The following WIZ variants were observed in gnomAD, a reference collection of about 807,000 sequenced individuals.
WIZ encodes protein Wiz.
Under a neutral mutation model 140.2 loss-of-function variants are expected in WIZ, and 25 were observed. That is an observed-to-expected ratio of 0.18 (90% confidence interval 0.13 to 0.25). The LOEUF is 0.25. WIZ is among the 10% of genes least tolerant of loss of function. WIZ has a pLI of 1.00. For missense variants in WIZ, 2,231 were observed against 2,632.6 expected, an observed-to-expected ratio of 0.85 and a Z score of 3.34; for synonymous variants, 1,125 against 1,154.3, an observed-to-expected ratio of 0.97 and a Z score of 0.51.
chr19:15,445,683 A>G (rs1969893768), intron 2 of WIZ, among the ~76,000 whole-genome samples: 1 of 152,136 alleles, frequency 6.6e-6, no homozygotes, highest in South Asian at 2.1e-4. Flanking sequence ...ATCGATCCAT[A>G]CAGACCACCT....
At position 15,439,578 on chromosome 19, in the gene WIZ, G is replaced by A. The variant is rs574053814; in HGVS notation, c.1416C>T (p.Pro472=). 45 of 1,490,192 alleles carry A rather than the reference G, an allele frequency of 3.0e-5. No individual in the cohort carries two copies. The highest frequency in any genetic ancestry group is 1.2e-4 in the East Asian group (5 of 40,416). The allele number at this position is 1,490,192 out of a possible 1,614,324, so 92.3% of individuals were successfully genotyped here. A position where few individuals can be genotyped will look rare whatever the true frequency, so the allele number is the denominator to read the frequency against. Reference sequence around the variant, plus strand: ...CCCTGAGCAGGCTCTCGCTGGGCGCGGGGAAACCACAGAAGACACAGGCGC... The same window carrying A: ...CCCTGAGCAGGCTCTCGCTGGGCGCAGGGAAACCACAGAAGACACAGGCGC... The part of the protein sequence containing the change: ...GLSACVFCGF[P]APSESLLREH... Residue 472 remains proline, a synonymous_variant, in exon 4 of 13, where the codon CCC becomes CCT. Coordinates refer to ENST00000673675, the MANE Select transcript of WIZ (RefSeq NM_001371589.1). This position sits in a 1 kb window ranked among gnomAD's most constrained non-coding sequence, Gnocchi z 7.0.
intron 2 of WIZ, among the ~76,000 whole-genome samples, chr19:15,444,392 G>A (rs990351122): frequency 2.5e-4 from 38 of 152,134 alleles, no homozygotes; most frequent in African/African-American, 7.5e-4. Context: ...CATCTACAGC[G>A]CAAGGTGTCT....
chr19:15,430,009 G>A lies in WIZ; in HGVS notation c.2992C>T (p.Leu998=). ...GACTCTGCCACTCCCAGCTGCCGCA[G>A]GTGGGAGCGCGCGTGGCTGGACAGG... ...KGLSSHARSH[L]RQLGVAESES... Residue 998 remains leucine (L), a synonymous_variant, in exon 7 of 13, where the codon CTG becomes TTG. Coordinates refer to ENST00000673675, the MANE Select transcript of WIZ (RefSeq NM_001371589.1). 1 of 1,536,020 alleles carries A rather than the reference G, an allele frequency of 6.5e-7. No individual in the cohort carries two copies.
intron 1 of WIZ, 128 bp from the exon 2 acceptor site, chr19:15,448,495 A>G: frequency 1.4e-6 from 1 of 705,524 alleles, no homozygotes; most frequent in Admixed American, 2.9e-5. Context: ...AGCCCAGGGG[A>G]GCTAATGGTG....
At chr19:15,433,987 G>T (rs965409802) in intron 5 of WIZ, among the ~76,000 whole-genome samples, 1 of 152,218 alleles carries the variant, frequency 6.6e-6, no homozygotes, top group Admixed American at 6.5e-5. Flanking sequence ...GGGTGCGGTG[G>T]CTAACGCCTG....
At position 15,423,170 on chromosome 19, in the gene WIZ, C is replaced by T. The variant is rs766225979; in HGVS notation, c.5576G>A (p.Arg1859Gln). ...GGAGAAGTTCATCTCCAGGATGTGC[C>T]GCTGTAAGTGCCGCACCCACTCTTC... ...IQEEWVRHLQ[R>Q]HILEMNFSKA... Residue 1859 changes from arginine to glutamine, a missense_variant, in exon 13 of 13, where the codon CGG becomes CAG. Coordinates refer to ENST00000673675, the MANE Select transcript of WIZ (RefSeq NM_001371589.1). The T allele has an allele frequency of 2.9e-5, 46 of 1,613,534 alleles. No homozygotes were observed. Among genetic ancestry groups the T allele is most frequent in the African/African-American group, 4.0e-5 (3 of 74,890 alleles).
rs1282837255 is a variant in WIZ, at chr19:15,422,233, C to T, written c.*843G>A. ...CAGGATTGCAAAATAAAAAGATCCA[C>T]GTTCCTTATTCTCTACACAAAACGC... On this transcript the variant is annotated 3_prime_UTR_variant, in exon 13 of 13. Coordinates refer to ENST00000673675, the MANE Select transcript of WIZ (RefSeq NM_001371589.1). The T allele has an allele frequency of 2.6e-5, 4 of 152,234 alleles. No individual in the cohort carries two copies. The highest frequency in any genetic ancestry group is 2.1e-4 in the South Asian group (1 of 4,832). The allele number at this position is 152,234 out of a possible 1,614,324, so 9.4% of individuals were successfully genotyped here.
rs1435448036 is a variant in WIZ at position 15,428,321 on chromosome 19, G to A, written c.3603C>T (p.Arg1201=). 5 of 1,533,992 alleles carry A rather than the reference G, an allele frequency of 3.3e-6. No homozygotes were observed. Among genetic ancestry groups the A allele is most frequent in the Non-Finnish European group, 4.4e-6 (5 of 1,146,160 alleles). The change falls in exon 8 of 13, where the codon CGC becomes CGT. Residue 1201 remains arginine (R), a synonymous_variant. Coordinates refer to ENST00000673675, the MANE Select transcript of WIZ (RefSeq NM_001371589.1). This position sits in a 1 kb window ranked among gnomAD's most constrained non-coding sequence, Gnocchi z 6.4. The stretch of plus-strand genomic sequence containing the variant: ...CCAGGGCGCCGCGCCTGGGTGGGAG[G>A]CGGATCTGGACGCCGTCCCTCCTGA... The part of the protein sequence containing the change: ...GLIRRDGVQI[R]LPPRRGALAH...
Position 15,421,254 on chromosome 19 carries a change from G to C in WIZ, c.*1822C>G, listed in dbSNP as rs942604385. The C allele has an allele frequency of 5.3e-5, 8 of 152,336 alleles. No individual in the cohort carries two copies. Among genetic ancestry groups the C allele is most frequent in the African/African-American group, 1.9e-4 (8 of 41,478 alleles). 9.4% of individuals were successfully genotyped at this position (152,336 alleles called of 1,614,324 possible). A position where few individuals can be genotyped will look rare whatever the true frequency, so the allele number is the denominator to read the frequency against. On this transcript the variant is annotated 3_prime_UTR_variant, in exon 13 of 13. Transcript: ENST00000673675. ...ACCCACCCACAGCACAGGATGGAGA[G>C]AAGTGGTTGCGGCCTTCTGCCACCA...
At position 15,428,252 on chromosome 19, in the gene WIZ, C is replaced by A. The variant is rs1968984138; in HGVS notation, c.3672G>T (p.Leu1224Phe). 6.5e-7 allele frequency: 1 copy of A among 1,529,418 alleles called. No homozygotes were observed. Among genetic ancestry groups the A allele is most frequent in the South Asian group, 1.2e-5 (1 of 83,446 alleles). The allele number at this position is 1,529,418 out of a possible 1,614,324, so 94.7% of individuals were successfully genotyped here. ...TCTTGGCCGGCGGTGGGGGGGGAAG[C>A]AAGGAGAGGGCCGCGGAGGTGGGAG... Reference protein sequence around the residue: ...RPPPTSAALSLLPPPPPAKKA... With the variant: ...RPPPTSAALSFLPPPPPAKKA... Residue 1224 changes from leucine (L) to phenylalanine (F), a missense_variant, in exon 8 of 13, where the codon TTG (leucine) becomes TTT (phenylalanine). Leu to Phe is a conservative substitution (Grantham distance 22). This residue lies in a region of WIZ where 141 missense variants were observed against 161.2 expected (regional missense o/e 0.87). Coordinates refer to ENST00000673675, the MANE Select transcript of WIZ (RefSeq NM_001371589.1). The surrounding 1 kb of genome is among the most constrained non-coding windows in gnomAD (Gnocchi z 6.4).
In WIZ at chr19:15,429,958, G is replaced by A; in HGVS notation, c.3043C>T (p.Leu1015Phe). 6.5e-7 allele frequency: 1 copy of A among 1,536,028 alleles called. No homozygotes were observed. ...TTCTGCTTCACAAGCTCGTAGAGGA[G>A]GTCGATGGGTGCGCCGCTGCTTTCC... Reference protein sequence around the residue: ...ESESSGAPIDLLYELVKQKGL... With the variant: ...ESESSGAPIDFLYELVKQKGL... The change falls in exon 7 of 13, where the codon CTC becomes TTC. Residue 1015 changes from leucine (L) to phenylalanine (F), a missense_variant. Coordinates refer to ENST00000673675, the MANE Select transcript of WIZ (RefSeq NM_001371589.1).
intron 2 of WIZ, among the ~76,000 whole-genome samples, chr19:15,444,089 C>G (rs1055082507): frequency 2.0e-5 from 3 of 152,172 alleles, no homozygotes; most frequent in Non-Finnish European, 4.4e-5. Flanking sequence ...AACTTGTGCC[C>G]CGTCCAGAGC....
rs148230721 is a variant in WIZ, at chr19:15,429,550, C to T, written c.3415+36G>A. The T allele has an allele frequency of 3.4e-4, 451 of 1,336,192 alleles. 2 individuals are homozygous for T. The East Asian group carries it at 8.4e-3, about 25-fold the overall frequency. The allele number at this position is 1,336,192 out of a possible 1,614,324, so 82.8% of individuals were successfully genotyped here. A position where few individuals can be genotyped will look rare whatever the true frequency, so the allele number is the denominator to read the frequency against. ...ACCTGAGGTCCCGACCCTCCCAGCG[C>T]CAGAACCTCCCTCGGCTCTTGGGAC... On this transcript the variant is annotated intron_variant, in intron 7 of 12. Coordinates refer to ENST00000673675, the MANE Select transcript of WIZ (RefSeq NM_001371589.1).
At position 15,439,837 on chromosome 19, in the gene WIZ, T is replaced by G. The variant is rs1218751702; in HGVS notation, c.1157A>C (p.Gln386Pro). 1 of 1,530,076 alleles carries G rather than the reference T, an allele frequency of 6.5e-7. No individual in the cohort carries two copies. The highest frequency in any genetic ancestry group is 2.4e-5 in the East Asian group (1 of 40,830). 94.8% of individuals were successfully genotyped at this position (1,530,076 alleles called of 1,614,324 possible). ...ASREKIIEEI[Q>P]KLKQVPGDEG... ...GTCTCCTGGAACTTGCTTCAGCTTT[T>G]GGATCTCCTCAATGATCTTCTCCCG... Residue 386 changes from glutamine to proline, a missense_variant, in exon 4 of 13, where the codon CAA becomes CCA. This residue lies in a region of WIZ where 475 missense variants were observed against 520.2 expected (regional missense o/e 0.91). Transcript: ENST00000673675. The surrounding 1 kb of genome is among the most constrained non-coding windows in gnomAD (Gnocchi z 7.0).
Position 15,427,159 on chromosome 19 carries a change from T to TAGG in WIZ, c.4186_4188dup (p.Pro1396dup). 1 of 1,613,994 alleles carries TAGG rather than the reference T, an allele frequency of 6.2e-7. No homozygotes were observed. Among genetic ancestry groups the TAGG allele is most frequent in the Non-Finnish European group, 8.5e-7 (1 of 1,179,984 alleles). On this transcript the variant is annotated inframe_insertion, in exon 9 of 13. Transcript: ENST00000673675. This position sits in a 1 kb window ranked among gnomAD's most constrained non-coding sequence, Gnocchi z 6.4. ...AGGCCTGGGAACATCTTTCGGGCCG[T>TAGG]AGGAGGAGGAGAGGCAGTTGGTGAG...
chr19:15,431,056 G>A lies in WIZ; in HGVS notation c.2867C>T (p.Ala956Val). ...VASRLSSKVA[A>V]EVPHGSKQEL... ...CTGTTTGCTGCCATGAGGAACCTCT[G>A]CAGCCACTTTGCTGCTCAGCCGACT... The change falls in exon 6 of 13, where the codon GCA becomes GTA. Residue 956 changes from alanine (A) to valine (V), a missense_variant. Ala to Val is a moderately conservative substitution (Grantham distance 64). Coordinates refer to ENST00000673675, the MANE Select transcript of WIZ (RefSeq NM_001371589.1). 1.3e-6 allele frequency: 2 copies of A among 1,535,896 alleles called. No individual in the cohort carries two copies. Among genetic ancestry groups the A allele is most frequent in the Non-Finnish European group, 1.7e-6 (2 of 1,146,788 alleles).
At chr19:15,432,335 G>T (rs1047791160) in intron 5 of WIZ, 12 of 645,926 alleles carry the variant, frequency 1.9e-5, no homozygotes, top group Non-Finnish European at 2.1e-5. Context: ...GGGGAGGGGG[G>T]GGTCCCGCAG....
chr19:15,439,108 G>T lies in WIZ; in HGVS notation c.1886C>A (p.Thr629Asn). The change falls in exon 4 of 13, where the codon ACC (threonine) becomes AAC (asparagine). Residue 629 changes from threonine (T) to asparagine (N), a missense_variant. Coordinates refer to ENST00000673675, the MANE Select transcript of WIZ (RefSeq NM_001371589.1). This position sits in a 1 kb window ranked among gnomAD's most constrained non-coding sequence, Gnocchi z 7.0. Reference sequence around the variant, plus strand: ...TTCAGGGGAAAAATCCATCTCGGAGGTCAGCACTACATCCTCCTCCTCCTC... The same window carrying T: ...TTCAGGGGAAAAATCCATCTCGGAGTTCAGCACTACATCCTCCTCCTCCTC... Reference protein sequence around the residue: ...EEEEEEDVVLTSEMDFSPENG... With the variant: ...EEEEEEDVVLNSEMDFSPENG... 8 of 1,497,406 alleles carry T rather than the reference G, an allele frequency of 5.3e-6. No individual in the cohort carries two copies. The highest frequency in any genetic ancestry group is 7.1e-6 in the Non-Finnish European group (8 of 1,125,660). The allele number at this position is 1,497,406 out of a possible 1,614,324, so 92.8% of individuals were successfully genotyped here. A position where few individuals can be genotyped will look rare whatever the true frequency, so the allele number is the denominator to read the frequency against.
At chr19:15,436,674 T>G in intron 5 of WIZ, 132 bp downstream of exon 5, 1 of 948,772 alleles carries the variant, frequency 1.1e-6, no homozygotes, top group South Asian at 2.1e-5. Flanking sequence ...AGGAAAGTCA[T>G]CAACATACTT....
Sources: gnomAD v4.1 joint callset for allele counts (sites outside exome capture counted in the v4.1 genomes callset) on GRCh38, gnomAD v4.1.1 for gene constraint, gnomAD v4.1.1 regional missense constraint, Gnocchi (gnomAD v3.1) non-coding constraint, MANE v1.5 for transcripts, NCBI Gene and HGNC (gene_info 2026-07-23, HGNC 2026-07-21) for gene names.